The following UBXN2A variants were observed in gnomAD, a reference collection of about 807,000 sequenced individuals.
The protein encoded by UBXN2A is UBX domain-containing protein 2A.
In UBXN2A, 28 loss-of-function variants were observed where a neutral mutation model predicts 28.4. The ratio of observed to expected loss-of-function variants is 0.99; its 90% CI spans 0.73 to 1.35. The LOEUF (loss-of-function observed/expected upper bound fraction) is 1.35, where lower values mean the gene tolerates loss of function less well. Among genes scored for constraint, UBXN2A ranks in the 40% most tolerant of loss-of-function variants. The pLI, the probability that UBXN2A is intolerant of heterozygous loss-of-function variation, is 0.00. For missense variants in UBXN2A, 253 were observed against 297.9 expected (o/e 0.85, Z 1.11); for synonymous variants, 97 against 103.6 (o/e 0.94, Z 0.39).
rs555007812 is a variant in UBXN2A, at chr2:24,001,450, A to T, written c.*1583A>T. The T allele has an allele frequency of 1.3e-5, 2 of 152,294 alleles. No individual in the cohort carries two copies. Among genetic ancestry groups the T allele is most frequent in the East Asian group, 3.9e-4 (2 of 5,190 alleles). The allele number at this position is 152,294 out of a possible 1,614,324, so 9.4% of individuals were successfully genotyped here. On this transcript the variant is annotated 3_prime_UTR_variant, in exon 7 of 7. Coordinates refer to ENST00000309033, the MANE Select transcript of UBXN2A (RefSeq NM_181713.4). Reference sequence around the variant, plus strand: ...GATTAAATCCCCATACCTGAAAATAAGTTTAACATTTTTTTTTGCAAATGA... The same window carrying T: ...GATTAAATCCCCATACCTGAAAATATGTTTAACATTTTTTTTTGCAAATGA...
chr2:23,981,073 AT>A (rs1209549303), intron 4 of UBXN2A, among the ~76,000 whole-genome samples: 1 of 152,186 alleles, frequency 6.6e-6, no homozygotes. Flanking sequence ...ACAGAAAAAA[AT>A]AAAACAATTA....
At position 24,003,741 on chromosome 2, in the gene UBXN2A, A is replaced by G. The variant is rs1420240771; in HGVS notation, c.*3874A>G. The G allele has an allele frequency of 6.6e-6, 1 of 151,072 alleles. No individual in the cohort carries two copies. The highest frequency in any genetic ancestry group is 1.5e-5 in the Non-Finnish European group (1 of 67,886). 9.4% of individuals were successfully genotyped at this position (151,072 alleles called of 1,614,324 possible). On this transcript the variant is annotated 3_prime_UTR_variant, in exon 7 of 7. Transcript: ENST00000309033. Reference sequence around the variant, plus strand: ...GTTCTTACCAAAAAAAAAAAAAAAAAAAAGAGGCAATGATAAAATCAATGA... The same window carrying G: ...GTTCTTACCAAAAAAAAAAAAAAAAGAAAGAGGCAATGATAAAATCAATGA...
intron 2 of UBXN2A, among the ~76,000 whole-genome samples, chr2:23,962,784 T>G (rs1706990743): frequency 6.6e-6 from 1 of 152,054 alleles, no homozygotes. Context: ...TTTGTATTTT[T>G]TAGTAGAGAC....
intron 6 of UBXN2A, among the ~76,000 whole-genome samples, chr2:23,985,227 C>T (rs1274631791): frequency 2.0e-5 from 3 of 152,112 alleles, no homozygotes; most frequent in African/African-American, 4.8e-5. Flanking sequence ...CATGAGCCAT[C>T]GCATCCTGCC....
rs187456796 is a variant in UBXN2A, at chr2:23,929,838, T to C, written c.-138+2223T>C. The stretch of plus-strand genomic sequence containing the variant: ...GTTTATTTGTTTTTGTAGTCCTAAA[T>C]TGGGAAGGCCAAGTTACCATAACCT... On this transcript the variant is annotated intron_variant, in intron 1 of 7. Coordinates refer to the UBXN2A transcript ENST00000404924. 1.6e-3 allele frequency among the ~76,000 whole-genome samples: 238 copies of C among 152,308 alleles called. 1 individual carries two copies. The highest frequency in any genetic ancestry group is 3.4e-3 in the Middle Eastern group (1 of 294).
At position 24,000,704 on chromosome 2, in the gene UBXN2A, T is replaced by A. The variant is rs1267949672; in HGVS notation, c.*837T>A. The A allele has an allele frequency of 6.6e-6, 1 of 152,062 alleles. No homozygotes were observed. Among genetic ancestry groups the A allele is most frequent in the African/African-American group, 2.4e-5 (1 of 41,410 alleles). 9.4% of individuals were successfully genotyped at this position (152,062 alleles called of 1,614,324 possible). ...CAGAGTGAGACCCCTGTCTATATAT[T>A]TTTTTAATTTAAAAAATAAAAGAAT... On this transcript the variant is annotated 3_prime_UTR_variant, in exon 7 of 7. Transcript: ENST00000309033.
chr2:23,960,998 T>C (rs993375702), intron 2 of UBXN2A, among the ~76,000 whole-genome samples: 6 of 151,958 alleles, frequency 3.9e-5, no homozygotes, highest in African/African-American at 7.3e-5. Context: ...AGTTATACAA[T>C]ATGTGGTCTT....
rs1558836757 is a variant in UBXN2A at position 23,944,575 on chromosome 2, C to CG, written c.-15+3927_-15+3928insG. Among the ~76,000 whole-genome samples, 3 of 152,140 alleles carry CG rather than the reference C, an allele frequency of 2.0e-5. No homozygotes were observed. The East Asian group carries it at 5.8e-4, about 29-fold the overall frequency. ...AGATGGGGTGGCTGCAAAAACTCCC[C>CG]TTTTTTTGCCCACAGCTTGCCTAAT... On this transcript the variant is annotated intron_variant, in intron 1 of 6. Transcript: ENST00000309033.
chr2:23,930,849 T>C (rs1705344840), intron 1 of UBXN2A, among the ~76,000 whole-genome samples: 1 of 151,546 alleles, frequency 6.6e-6, no homozygotes, highest in Admixed American at 6.6e-5. Flanking sequence ...TGAGACCCCA[T>C]CTCTATAAAT....
At chr2:23,984,383 T>A (rs960769123) in intron 5 of UBXN2A, among the ~76,000 whole-genome samples, 2 of 152,196 alleles carry the variant, frequency 1.3e-5, no homozygotes, top group Non-Finnish European at 2.9e-5. Context: ...CATAGATCTA[T>A]GAACCTTCTT....
intron 4 of UBXN2A, 69 bp from the exon 5 acceptor site, chr2:23,982,827 G>A (rs1707966798): frequency 4.1e-6 from 6 of 1,478,454 alleles, no homozygotes; most frequent in Admixed American, 2.2e-5. Flanking sequence ...TTTTTTGTAT[G>A]TACAGAATGT....
At chr2:23,970,451 C>T (rs1189088747) in intron 2 of UBXN2A, among the ~76,000 whole-genome samples, 1 of 151,970 alleles carries the variant, frequency 6.6e-6, no homozygotes, top group African/African-American at 2.4e-5. Flanking sequence ...GTGCATCCTA[C>T]TTGTTGTATC....
At chr2:23,964,673 T>C (rs765045226) in intron 2 of UBXN2A, among the ~76,000 whole-genome samples, 1 of 152,190 alleles carries the variant, frequency 6.6e-6, no homozygotes, top group Admixed American at 6.6e-5. Context: ...CCTAGAGATA[T>C]GCTGAACAAC....
intron 4 of UBXN2A, among the ~76,000 whole-genome samples, chr2:23,980,874 G>A (rs1357110944): frequency 3.9e-5 from 6 of 152,086 alleles, no homozygotes; most frequent in South Asian, 2.1e-4. Flanking sequence ...TGATTCACCC[G>A]CCTCGGCCTT....
In UBXN2A at chr2:23,927,935, G is replaced by A. The variant is rs1409811256; in HGVS notation, c.-138+320G>A. Among the ~76,000 whole-genome samples, 7 of 152,224 alleles carry A rather than the reference G, an allele frequency of 4.6e-5. No homozygotes were observed. The East Asian group carries it at 9.7e-4, about 21-fold the overall frequency. ...TCAAGCCTGTAATCCCAGTACTTTG[G>A]GAGGCCGGGGTGGGTGGATCACCTG... On this transcript the variant is annotated intron_variant, in intron 1 of 7. Coordinates refer to the UBXN2A transcript ENST00000404924.
chr2:23,972,997 T>C (rs1185895273), intron 3 of UBXN2A, among the ~76,000 whole-genome samples: 1 of 152,162 alleles, frequency 6.6e-6, no homozygotes, highest in Non-Finnish European at 1.5e-5. Context: ...TTTCATGGCA[T>C]ATTGTTTCTG....
At chr2:23,928,849 C>T (rs1705267958) in intron 1 of UBXN2A, among the ~76,000 whole-genome samples, 1 of 152,158 alleles carries the variant, frequency 6.6e-6, no homozygotes, top group South Asian at 2.1e-4. Flanking sequence ...TTGCATACCA[C>T]ATCCTCTCCT....
upstream of UBXN2A, among the ~76,000 whole-genome samples, chr2:23,939,090 A>G (rs145026502): frequency 2.2e-3 from 339 of 152,338 alleles, 2 homozygotes; most frequent in African/African-American, 7.9e-3. Context: ...TCCCCGCACT[A>G]AAGACTTACA....
chr2:23,951,979 T>C (rs1441302931), intron 1 of UBXN2A, among the ~76,000 whole-genome samples: 1 of 150,822 alleles, frequency 6.6e-6, no homozygotes, highest in Non-Finnish European at 1.5e-5. Context: ...TTTTTTTTTT[T>C]TTTTTGAGAC....
Sources: gnomAD v4.1 joint callset for allele counts (sites outside exome capture counted in the v4.1 genomes callset) on GRCh38, gnomAD v4.1.1 for gene constraint, MANE v1.5 for transcripts, NCBI Gene and HGNC (gene_info 2026-07-23, HGNC 2026-07-21) for gene names.